THBS3: variants seen among roughly 807,000 people sequenced by gnomAD.
THBS3 encodes thrombospondin-3.
A neutral mutation model predicts 118.3 loss-of-function variants in THBS3; 78 were observed. That is an observed-to-expected ratio of 0.66 (90% CI 0.55 to 0.80). The LOEUF is 0.80. Ranked by LOEUF, THBS3 falls within the 30% of genes least tolerant of loss-of-function variation. THBS3 has a pLI of 0.00. For missense variants in THBS3, 1,057 were observed against 1,247.4 expected (o/e 0.85, Z 2.30); for synonymous variants, 427 against 475.3 (o/e 0.90, Z 1.32).
rs775627134 is a variant in THBS3, at chr1:155,204,327, C to T, written c.646+528G>A. Reference sequence around the variant, plus strand: ...AGACCAGGCCGGGCGCGGTGGCTTACGCCTGTAATCCCAGCACTTTGAGAG... The same window carrying T: ...AGACCAGGCCGGGCGCGGTGGCTTATGCCTGTAATCCCAGCACTTTGAGAG... On this transcript the variant is annotated intron_variant, in intron 4 of 22. Coordinates refer to ENST00000368378, the MANE Select transcript of THBS3 (RefSeq NM_007112.5). 3.5e-4 allele frequency among the ~76,000 whole-genome samples: 53 copies of T among 152,084 alleles called. 1 individual carries two copies. The highest frequency in any genetic ancestry group is 6.2e-4 in the South Asian group (3 of 4,806).
chr1:155,201,714 TTCAGGGTGGATAACAGCC>T, intron 10 of THBS3, 145 bp from the exon 11 acceptor site: 1 of 1,049,656 alleles, frequency 9.5e-7, no homozygotes, highest in Non-Finnish European at 1.4e-6. Flanking sequence ...ATGACAACCT[TTCAGGGTGGATAACAGCC>T]TCAGTTTTCA....
intron 13 of THBS3, 30 bp from the exon 14 acceptor site, chr1:155,200,640 A>C: frequency 6.2e-7 from 1 of 1,610,624 alleles, no homozygotes; most frequent in Non-Finnish European, 8.5e-7. Context: ...GGGAAGGGTC[A>C]GGTCTCCCCT....
Position 155,198,152 on chromosome 1 carries a change from A to G in THBS3, c.2143T>C (p.Cys715Arg). ...AGCGTTACCTCTGCACTTTCAGGAC[A>G]CACATCCAGGGGGTCGACCACAGCA... is the stretch of plus-strand genomic sequence containing the variant. Reference protein sequence around the residue: ...NDAVVDPLDVCPESAEVTLTD... With the variant: ...NDAVVDPLDVRPESAEVTLTD... Residue 715 changes from cysteine to arginine, a missense_variant, in exon 18 of 23, where the codon TGT becomes CGT. Transcript: ENST00000368378. The G allele has an allele frequency of 6.2e-7, 1 of 1,614,178 alleles. No individual in the cohort carries two copies. Among genetic ancestry groups the G allele is most frequent in the Non-Finnish European group, 8.5e-7 (1 of 1,180,050 alleles).
At chr1:155,208,820 C>T (rs748289669), upstream of THBS3, 2 of 1,553,670 alleles carry the variant, frequency 1.3e-6, no homozygotes, top group Non-Finnish European at 1.7e-6. Context: ...GCTCGGGGGA[C>T]CCCCCCGCAG....
upstream of THBS3, chr1:155,207,953 G>C (rs535678504): frequency 5.5e-5 from 74 of 1,341,780 alleles, no homozygotes; most frequent in Non-Finnish European, 7.1e-5. Context: ...AGCAGGAGCC[G>C]GGGGGCGGAG....
chr1:155,201,301 T>C, intron 11 of THBS3, 97 bp from the exon 12 acceptor site: 1 of 1,583,590 alleles, frequency 6.3e-7, no homozygotes. Context: ...CACCAAACAG[T>C]TCCTGGGCCC....
At chr1:155,204,673 C>A in intron 4 of THBS3, 182 bp downstream of exon 4, 2 of 615,802 alleles carry the variant, frequency 3.2e-6, no homozygotes, top group Non-Finnish European at 5.7e-6. Flanking sequence ...CACTTTTTTT[C>A]TCGGATGGGT....
Position 155,202,493 on chromosome 1 carries a change from C to T in THBS3, c.958-92G>A. ...CCAGGAACCATTGCTCCAGGTCTCC[C>T]CTTTGTGCAGCTCTCCCCACACAAC... On this transcript the variant is annotated intron_variant, in intron 8 of 22. Transcript: ENST00000368378. This position sits in a 1 kb window ranked among gnomAD's most constrained non-coding sequence, Gnocchi z 5.5. 1 of 1,532,492 alleles carries T rather than the reference C, an allele frequency of 6.5e-7. No homozygotes were observed. Among genetic ancestry groups the T allele is most frequent in the Non-Finnish European group, 8.8e-7 (1 of 1,136,486 alleles). The allele number at this position is 1,532,492 out of a possible 1,614,324, so 94.9% of individuals were successfully genotyped here.
At chr1:155,200,732 A>G (rs1669570844) in intron 13 of THBS3, 122 bp from the exon 14 acceptor site, 3 of 1,558,850 alleles carry the variant, frequency 1.9e-6, no homozygotes, top group East Asian at 2.2e-5. Flanking sequence ...ACTGCTCAGT[A>G]CAGTCCCACC....
chr1:155,204,365 G>T (rs1670239061), intron 4 of THBS3, among the ~76,000 whole-genome samples: 1 of 151,994 alleles, frequency 6.6e-6, no homozygotes, highest in East Asian at 1.9e-4. Context: ...CGAGGTGGGT[G>T]CATCACTTGA....
chr1:155,208,637 G>A, upstream of THBS3: 1 of 704,114 alleles, frequency 1.4e-6, no homozygotes, highest in Non-Finnish European at 2.2e-6. Flanking sequence ...TGAAGCAGAG[G>A]GGCGCCTGAG....
intron 10 of THBS3, 127 bp from the exon 11 acceptor site, chr1:155,201,696 A>C (rs1669755084): frequency 1.8e-6 from 2 of 1,136,698 alleles, no homozygotes; most frequent in African/African-American, 1.6e-5. Flanking sequence ...TATCTCCTTT[A>C]GGTTATCATG....
At chr1:155,199,012 C>T (rs1316539346) in intron 16 of THBS3, among the ~76,000 whole-genome samples, 3 of 151,618 alleles carry the variant, frequency 2.0e-5, no homozygotes, top group Non-Finnish European at 2.9e-5. Context: ...CCCAGCTACT[C>T]GGGAGGCTGA....
In THBS3 at chr1:155,197,209, A is replaced by G. The variant is rs1339471258; in HGVS notation, c.2504T>C (p.Val835Ala). Reference sequence around the variant, plus strand: ...CTCACCTGGGCCAGACACTGATGTCACTGCCTAGGAGACATTGGCAAAGAC... The same window carrying G: ...CTCACCTGGGCCAGACACTGATGTCGCTGCCTAGGAGACATTGGCAAAGAC... ...VAQPGLQLKAVTSVSGPGEHL... is the reference protein window; with the variant it reads ...VAQPGLQLKAATSVSGPGEHL... The change falls in exon 21 of 23, where the codon GTG (valine) becomes GCG (alanine). Residue 835 changes from valine (V) to alanine (A), a missense_variant. Val to Ala is a moderately conservative substitution (Grantham distance 64). This residue lies in a region of THBS3 where 307 missense variants were observed against 326.1 expected (regional missense o/e 0.94). Transcript: ENST00000368378. This position sits in a 1 kb window ranked among gnomAD's most constrained non-coding sequence, Gnocchi z 5.0. The G allele has an allele frequency of 6.2e-7, 1 of 1,614,052 alleles. No homozygotes were observed.
chr1:155,200,269 A>AACACTACGCCCT, intron 14 of THBS3, 156 bp from the exon 15 acceptor site: 7 of 991,018 alleles, frequency 7.1e-6, no homozygotes, highest in Non-Finnish European at 1.1e-5. Context: ...CACTCTGCCT[A>AACACTACGCCCT]ACACTACGCC....
rs41264915 is a variant in THBS3, at chr1:155,197,995, A to G, written c.2253+47T>C. On this transcript the variant is annotated intron_variant, in intron 18 of 22. Coordinates refer to ENST00000368378, the MANE Select transcript of THBS3 (RefSeq NM_007112.5). The surrounding 1 kb of genome is among the most constrained non-coding windows in gnomAD (Gnocchi z 5.0). ...CTATCCCTCCCAGGCCCCCCGTCCC[A>G]GTAGCCCTGTCTGATAGCACCTGCC... 0.11 allele frequency: 177,255 copies of G among 1,613,916 alleles called. 10,900 individuals carry two copies. Among genetic ancestry groups the G allele is most frequent in the African/African-American group, 0.25 (18,462 of 74,992 alleles).
chr1:155,209,106 G>C, upstream of THBS3: 1 of 1,543,438 alleles, frequency 6.5e-7, no homozygotes, highest in Non-Finnish European at 8.7e-7. Flanking sequence ...TCAGCTGCCA[G>C]TCGGGCCAGA....
At position 155,202,504 on chromosome 1, in the gene THBS3, C is replaced by G; in HGVS notation, c.958-103G>C. 1 of 1,492,690 alleles carries G rather than the reference C, an allele frequency of 6.7e-7. No homozygotes were observed. The highest frequency in any genetic ancestry group is 9.0e-7 in the Non-Finnish European group (1 of 1,109,390). The allele number at this position is 1,492,690 out of a possible 1,614,324, so 92.5% of individuals were successfully genotyped here. On this transcript the variant is annotated intron_variant, in intron 8 of 22. Transcript: ENST00000368378. The surrounding 1 kb of genome is among the most constrained non-coding windows in gnomAD (Gnocchi z 5.5). ...TGCTCCAGGTCTCCCCTTTGTGCAGCTCTCCCCACACAACTGCCTTGTGCT... is the reference window on the plus strand; with the variant it reads ...TGCTCCAGGTCTCCCCTTTGTGCAGGTCTCCCCACACAACTGCCTTGTGCT...
rs1669004767 is a variant in THBS3 at position 155,198,140 on chromosome 1, C to T, written c.2155G>A (p.Ala719Thr). The change falls in exon 18 of 23, where the codon GCA becomes ACA. Residue 719 changes from alanine (A) to threonine (T), a missense_variant. By Grantham distance (58) the Ala-to-Thr change is moderately conservative. Transcript: ENST00000368378. ...VDPLDVCPES[A>T]EVTLTDFRAY... The stretch of plus-strand genomic sequence containing the variant: ...CGAAAATCCGTAAGCGTTACCTCTG[C>T]ACTTTCAGGACACACATCCAGGGGG... 3 of 1,614,210 alleles carry T rather than the reference C, an allele frequency of 1.9e-6. No individual in the cohort carries two copies. Among genetic ancestry groups the T allele is most frequent in the Non-Finnish European group, 2.5e-6 (3 of 1,180,044 alleles).
Sources: allele counts gnomAD v4.1 joint callset (sites outside exome capture counted in the v4.1 genomes callset), GRCh38; gene constraint gnomAD v4.1.1; regional missense constraint gnomAD v4.1.1; non-coding constraint Gnocchi (gnomAD v3.1); transcripts MANE v1.5; gene names NCBI Gene and HGNC (gene_info 2026-07-23, HGNC 2026-07-21).